ETNK1: variants seen among roughly 807,000 people sequenced by gnomAD.
The protein encoded by ETNK1 is putative protein product of Nbla10396.
Under a neutral mutation model 45.1 loss-of-function variants are expected in ETNK1, and 8 were observed. The observed-to-expected ratio is 0.18, with a 90% confidence interval of 0.10 to 0.32. The LOEUF is 0.32. Ranked by LOEUF, ETNK1 falls within the 10% of genes least tolerant of loss-of-function variation. ETNK1 has a pLI of 1.00. For synonymous variants in ETNK1, 152 were observed against 151.9 expected, an observed-to-expected ratio of 1.00 and a Z score of -0.01; for missense variants, 302 against 430.6, an observed-to-expected ratio of 0.70 and a Z score of 2.64.
intron 6 of ETNK1, among the ~76,000 whole-genome samples, chr12:22,674,933 T>C (rs1954145624): frequency 6.6e-6 from 1 of 152,188 alleles, no homozygotes; most frequent in South Asian, 2.1e-4. Flanking sequence ...TCTAGGTCAG[T>C]AGATTGGAAG....
intron 4 of ETNK1, 97 bp from the exon 5 acceptor site, chr12:22,671,175 A>G: frequency 1.1e-6 from 1 of 885,748 alleles, no homozygotes; most frequent in Non-Finnish European, 1.9e-6. Context: ...ACGTACAATG[A>G]GACAAAATAT....
At chr12:22,683,444 G>C (rs1954232212) in intron 6 of ETNK1, among the ~76,000 whole-genome samples, 2 of 151,834 alleles carry the variant, frequency 1.3e-5, no homozygotes, top group African/African-American at 4.8e-5. Context: ...TTTAAATAGA[G>C]ATCTTTAGGT....
intron 4 of ETNK1, among the ~76,000 whole-genome samples, chr12:22,662,054 G>GCC (rs1441131358): frequency 4.4e-5 from 1 of 22,780 alleles, no homozygotes; most frequent in African/African-American, 1.2e-4. Flanking sequence ...CTAGTTCCCC[G>GCC]CACCCCCCCC....
intron 6 of ETNK1, among the ~76,000 whole-genome samples, chr12:22,680,017 A>G (rs887864310): frequency 1.6e-5 from 1 of 63,842 alleles, no homozygotes; most frequent in African/African-American, 5.3e-5. Flanking sequence ...GGAGGAATAC[A>G]TACATCATTT....
At chr12:22,651,961 C>T (rs1181786382) in intron 2 of ETNK1, among the ~76,000 whole-genome samples, 1 of 152,138 alleles carries the variant, frequency 6.6e-6, no homozygotes, top group African/African-American at 2.4e-5. Flanking sequence ...GCTGGGATTA[C>T]AGGCGTGAGC....
At chr12:22,644,355 A>T (rs757647188) in intron 2 of ETNK1, 1 of 1,462,558 alleles carries the variant, frequency 6.8e-7, no homozygotes, top group Admixed American at 2.4e-5. Flanking sequence ...ATTGCTTATT[A>T]CTTAATTGTT....
rs1954267905 is a variant in ETNK1 at position 22,687,196 on chromosome 12, C to T, written c.*2242C>T. 1.3e-5 allele frequency: 2 copies of T among 151,954 alleles called. No homozygotes were observed. The highest frequency in any genetic ancestry group is 4.8e-5 in the African/African-American group (2 of 41,352). The allele number at this position is 151,954 out of a possible 1,614,324, so 9.4% of individuals were successfully genotyped here. ...TGGCTAGATTTTGGTTGTTGTGATG[C>T]TCCTACTTCCTGTATAGGTTTTTGG... On this transcript the variant is annotated 3_prime_UTR_variant, in exon 8 of 8. Coordinates refer to ENST00000266517, the MANE Select transcript of ETNK1 (RefSeq NM_018638.5).
At chr12:22,626,506 G>C (rs1953500877) in intron 1 of ETNK1, among the ~76,000 whole-genome samples, 1 of 152,104 alleles carries the variant, frequency 6.6e-6, no homozygotes, top group Non-Finnish European at 1.5e-5. Context: ...ACATTCATTT[G>C]AATTAGCCAA....
chr12:22,670,651 C>T (rs1187083523), intron 4 of ETNK1, among the ~76,000 whole-genome samples: 1 of 152,030 alleles, frequency 6.6e-6, no homozygotes, highest in Non-Finnish European at 1.5e-5. Context: ...AAGATAAAAC[C>T]ACCACCTTAT....
chr12:22,673,810 AC>A, intron 6 of ETNK1, 150 bp downstream of exon 6: 1 of 780,290 alleles, frequency 1.3e-6, no homozygotes, highest in Non-Finnish European at 2.0e-6. Flanking sequence ...AGTATGCATT[AC>A]CCCATTGCAT....
chr12:22,664,702 T>C (rs1463311104), intron 4 of ETNK1, among the ~76,000 whole-genome samples: 1 of 152,106 alleles, frequency 6.6e-6, no homozygotes, highest in East Asian at 1.9e-4. Flanking sequence ...GTTGAGTCTT[T>C]TGAGATTAAG....
intron 6 of ETNK1, among the ~76,000 whole-genome samples, chr12:22,675,151 C>T (rs938113809): frequency 1.7e-4 from 26 of 152,160 alleles, no homozygotes. Context: ...TCATTGCAGC[C>T]TCAACCTCCC....
At chr12:22,684,761 A>G (rs571012282) in intron 7 of ETNK1, 121 bp from the exon 8 acceptor site, 31 of 854,596 alleles carry the variant, frequency 3.6e-5, no homozygotes, top group African/African-American at 2.6e-4. Flanking sequence ...ATAAACTAAA[A>G]ATATGTCCTT....
intron 2 of ETNK1, among the ~76,000 whole-genome samples, chr12:22,657,508 C>CT (rs891345554): frequency 3.1e-4 from 45 of 146,586 alleles, no homozygotes; most frequent in African/African-American, 6.7e-4. Flanking sequence ...ATTCTTTTAC[C>CT]TTTTTTTTTT....
intron 6 of ETNK1, among the ~76,000 whole-genome samples, chr12:22,679,193 C>A (rs373760121): frequency 1.3e-5 from 2 of 152,306 alleles, no homozygotes; most frequent in East Asian, 3.9e-4. Flanking sequence ...TTGAAAGTCT[C>A]AAAACCAGAA....
intron 4 of ETNK1, among the ~76,000 whole-genome samples, chr12:22,663,052 T>G (rs1954022551): frequency 6.6e-6 from 1 of 152,250 alleles, no homozygotes; most frequent in Non-Finnish European, 1.5e-5. Flanking sequence ...TTGAATCATC[T>G]TGAAATGCTT....
intron 6 of ETNK1, among the ~76,000 whole-genome samples, chr12:22,681,265 A>G (rs1259046230): frequency 6.6e-6 from 1 of 152,042 alleles, no homozygotes; most frequent in African/African-American, 2.4e-5. Flanking sequence ...TCTAGTGTAG[A>G]ATCGTTTAGT....
intron 1 of ETNK1, among the ~76,000 whole-genome samples, chr12:22,640,092 T>G (rs1190827993): frequency 1.3e-5 from 2 of 152,210 alleles, no homozygotes; most frequent in Non-Finnish European, 2.9e-5. Flanking sequence ...TTGTTGGAAT[T>G]TGTTAAAGGG....
At chr12:22,637,035 T>C (rs1953664455) in intron 1 of ETNK1, among the ~76,000 whole-genome samples, 1 of 152,078 alleles carries the variant, frequency 6.6e-6, no homozygotes, top group Non-Finnish European at 1.5e-5. Flanking sequence ...TCCTCTAGAG[T>C]GCTCTCTCCT....
Sources: allele counts gnomAD v4.1 joint callset (sites outside exome capture counted in the v4.1 genomes callset), GRCh38; gene constraint gnomAD v4.1.1; transcripts MANE v1.5; gene names NCBI Gene and HGNC (gene_info 2026-07-23, HGNC 2026-07-21).